The following CFAP74 variants were observed in gnomAD, a reference collection of about 807,000 sequenced individuals.
The protein encoded by CFAP74 is cilia and flagella associated protein 74.
Under a neutral mutation model 188.9 loss-of-function variants are expected in CFAP74, and 124 were observed. The observed-to-expected ratio is 0.66, with a 90% CI of 0.57 to 0.76. The LOEUF (loss-of-function observed/expected upper bound fraction) is 0.76, where lower values mean the gene tolerates loss of function less well. CFAP74 is among the 30% of genes least tolerant of loss of function. CFAP74 has a pLI of 0.00. For missense variants in CFAP74, 2,198 were observed against 2,165.2 expected (o/e 1.02, Z -0.30); for synonymous variants, 956 against 916.7 (o/e 1.04, Z -0.77).
At position 1,926,964 on chromosome 1, in the gene CFAP74, A is replaced by G. The variant is rs891619305; in HGVS notation, c.3592T>C (p.Phe1198Leu). The change falls in exon 29 of 39, where the codon TTT becomes CTT. Residue 1198 changes from phenylalanine (F) to leucine (L), a missense_variant. Phe to Leu is a conservative substitution (Grantham distance 22). Coordinates refer to ENST00000682832, the MANE Select transcript of CFAP74 (RefSeq NM_001304360.2). ...CTGGCAACAACACAGGGAACTACAA[A>G]TGTGTCAAACTTCGCCTGGAACGCT... ...LRAFQAKFDTFVVPCVVASGD... is the reference protein window; with the variant it reads ...LRAFQAKFDTLVVPCVVASGD... 7 of 1,549,976 alleles carry G rather than the reference A, an allele frequency of 4.5e-6. No homozygotes were observed. The highest frequency in any genetic ancestry group is 6.1e-6 in the Non-Finnish European group (7 of 1,146,818).
At chr1:1,927,181 T>C in intron 28 of CFAP74, 153 bp from the exon 29 acceptor site, 1 of 825,726 alleles carries the variant, frequency 1.2e-6, no homozygotes, top group Non-Finnish European at 1.9e-6. Context: ...TTTTCCACCC[T>C]TCTCTGGCTC....
intron 14 of CFAP74, 67 bp from the exon 15 acceptor site, chr1:1,960,097 C>A: frequency 7.2e-7 from 1 of 1,396,012 alleles, no homozygotes; most frequent in Non-Finnish European, 1.0e-6. Context: ...CCTCACCACC[C>A]AGAGCACAGT....
chr1:1,936,317 G>A (rs1054086597), intron 25 of CFAP74, among the ~76,000 whole-genome samples: 4 of 151,918 alleles, frequency 2.6e-5, no homozygotes, highest in South Asian at 2.1e-4. Context: ...AGGCTGAGGC[G>A]GGTGGACCAC....
chr1:1,972,352 A>G (rs1055327815), intron 8 of CFAP74, among the ~76,000 whole-genome samples: 1 of 152,240 alleles, frequency 6.6e-6, no homozygotes, highest in African/African-American at 2.4e-5. Flanking sequence ...TGAGAACACA[A>G]GAGGTGGGAT....
At chr1:1,974,561 G>A (rs986105668) in intron 6 of CFAP74, among the ~76,000 whole-genome samples, 47 of 152,076 alleles carry the variant, frequency 3.1e-4, no homozygotes, top group Non-Finnish European at 1.2e-4. Context: ...GGCTGGGCTG[G>A]AGGATCCCTG....
chr1:1,923,643 C>T lies in CFAP74; in HGVS notation c.4389+132G>A. 1.3e-6 allele frequency: 2 copies of T among 1,523,736 alleles called. No homozygotes were observed. The highest frequency in any genetic ancestry group is 1.8e-6 in the Non-Finnish European group (2 of 1,118,912). The allele number at this position is 1,523,736 out of a possible 1,614,324, so 94.4% of individuals were successfully genotyped here. A position where few individuals can be genotyped will look rare whatever the true frequency, so the allele number is the denominator to read the frequency against. On this transcript the variant is annotated intron_variant, in intron 35 of 38. Transcript: ENST00000682832. This position sits in a 1 kb window ranked among gnomAD's most constrained non-coding sequence, Gnocchi z 6.3. Reference sequence around the variant, plus strand: ...TGGACTCTGGTCTTTCCACTGACGGCCCTCAGTGTGGTGCTGAGTCCCCCA... The same window carrying T: ...TGGACTCTGGTCTTTCCACTGACGGTCCTCAGTGTGGTGCTGAGTCCCCCA...
At chr1:1,938,202 T>C (rs1486919556) in intron 25 of CFAP74, among the ~76,000 whole-genome samples, 1 of 139,236 alleles carries the variant, frequency 7.2e-6, no homozygotes, top group Non-Finnish European at 1.5e-5. Context: ...TTCAGTCACA[T>C]GCTCACACAT....
intron 14 of CFAP74, among the ~76,000 whole-genome samples, chr1:1,962,476 CAAAAAA>C (rs556157241): frequency 2.9e-5 from 2 of 69,376 alleles, no homozygotes; most frequent in South Asian, 5.8e-4. Context: ...AACTCCATCT[CAAAAAA>C]AAAAAAAAAA....
intron 1 of CFAP74, among the ~76,000 whole-genome samples, chr1:1,991,896 C>T (rs553205047): frequency 2.4e-4 from 37 of 151,448 alleles, no homozygotes; most frequent in South Asian, 8.4e-4. Flanking sequence ...AAAAATTAGC[C>T]GGGCATGGTG....
chr1:1,988,993 T>C lies in CFAP74; in HGVS notation c.68-20A>G. 1 of 1,221,214 alleles carries C rather than the reference T, an allele frequency of 8.2e-7. No homozygotes were observed. The highest frequency in any genetic ancestry group is 1.2e-6 in the Non-Finnish European group (1 of 859,032). The allele number at this position is 1,221,214 out of a possible 1,614,324, so 75.6% of individuals were successfully genotyped here. A position where few individuals can be genotyped will look rare whatever the true frequency, so the allele number is the denominator to read the frequency against. On this transcript the variant is annotated intron_variant, in intron 2 of 38. Coordinates refer to ENST00000682832, the MANE Select transcript of CFAP74 (RefSeq NM_001304360.2). Reference sequence around the variant, plus strand: ...CTCTTTCTAGAAATCAAGGCAAGAGTTTAAAAAAAAAAAAAAGCAGATCAA... The same window carrying C: ...CTCTTTCTAGAAATCAAGGCAAGAGCTTAAAAAAAAAAAAAAGCAGATCAA...
intron 18 of CFAP74, chr1:1,954,801 G>A (rs1654431998): frequency 1.8e-5 from 20 of 1,121,842 alleles, no homozygotes; most frequent in Non-Finnish European, 2.1e-5. Flanking sequence ...ACTCACTTTG[G>A]TATTAGCTGA....
chr1:1,967,210 GT>G (rs1160759418), intron 11 of CFAP74, among the ~76,000 whole-genome samples: 1 of 152,196 alleles, frequency 6.6e-6, no homozygotes, highest in Non-Finnish European at 1.5e-5. Flanking sequence ...GGCTGTGGTG[GT>G]TTCCTCAGAA....
At chr1:1,926,432 G>A (rs1209638171) in intron 31 of CFAP74, 25 bp downstream of exon 31, 5 of 1,550,222 alleles carry the variant, frequency 3.2e-6, no homozygotes, top group African/African-American at 1.4e-5. Context: ...CCCGCAGGCC[G>A]CCTGAGCTGG....
intron 14 of CFAP74, among the ~76,000 whole-genome samples, chr1:1,963,415 C>T (rs1281837009): frequency 3.8e-5 from 5 of 130,812 alleles, no homozygotes; most frequent in African/African-American, 1.2e-4. Flanking sequence ...CGCGCCATCG[C>T]ACTTGCACTC....
In CFAP74 at chr1:1,955,369, C is replaced by A. The variant is rs756647715; in HGVS notation, c.2176+322G>T. On this transcript the variant is annotated intron_variant, in intron 18 of 38. Transcript: ENST00000682832. Reference sequence around the variant, plus strand: ...GCTGCAGAGCTAGACAGAAGCCCCCCGCAGCCCGGCCCCTCCAGGGGGCAC... The same window carrying A: ...GCTGCAGAGCTAGACAGAAGCCCCCAGCAGCCCGGCCCCTCCAGGGGGCAC... The A allele has an allele frequency of 5.2e-6, 7 of 1,350,474 alleles. No individual in the cohort carries two copies. The Admixed American group carries it at 8.8e-5, about 17-fold the overall frequency. The allele number at this position is 1,350,474 out of a possible 1,614,324, so 83.7% of individuals were successfully genotyped here.
rs572616881 is a variant in CFAP74, at chr1:1,970,916, C to T, written c.889-100G>A. The T allele has an allele frequency of 8.7e-5, 112 of 1,287,584 alleles. 1 individual carries two copies. The highest frequency in any genetic ancestry group is 5.9e-4 in the Middle Eastern group (3 of 5,122). The allele number at this position is 1,287,584 out of a possible 1,614,324, so 79.8% of individuals were successfully genotyped here. On this transcript the variant is annotated intron_variant, in intron 9 of 38. Coordinates refer to ENST00000682832, the MANE Select transcript of CFAP74 (RefSeq NM_001304360.2). ...GCACACACAGGTTCATACATGCACA[C>T]GTGCACACACGTGCACACACACATG...
chr1:1,922,091 G>T lies in CFAP74; in HGVS notation c.*196C>A. 2 of 562,546 alleles carry T rather than the reference G, an allele frequency of 3.6e-6. No homozygotes were observed. The highest frequency in any genetic ancestry group is 4.3e-5 in the South Asian group (2 of 46,492). The allele number at this position is 562,546 out of a possible 1,614,324, so 34.8% of individuals were successfully genotyped here. A position where few individuals can be genotyped will look rare whatever the true frequency, so the allele number is the denominator to read the frequency against. On this transcript the variant is annotated 3_prime_UTR_variant, in exon 39 of 39. Coordinates refer to ENST00000682832, the MANE Select transcript of CFAP74 (RefSeq NM_001304360.2). ...GCTTCTGAGTCTGGGGTCTCAGGAGGGGTGCTCTTGGATGTCCCTGGGCTT... is the reference window on the plus strand; with the variant it reads ...GCTTCTGAGTCTGGGGTCTCAGGAGTGGTGCTCTTGGATGTCCCTGGGCTT...
At chr1:2,001,353 G>A (rs908212663) in intron 1 of CFAP74, among the ~76,000 whole-genome samples, 37 of 149,362 alleles carry the variant, frequency 2.5e-4, no homozygotes, top group South Asian at 8.5e-4. Context: ...TTTTTGAGAC[G>A]GAGTCTCGCT....
intron 1 of CFAP74, among the ~76,000 whole-genome samples, chr1:1,995,482 A>C (rs1291206551): frequency 7.3e-6 from 1 of 137,456 alleles, no homozygotes; most frequent in Non-Finnish European, 1.5e-5. Flanking sequence ...ACAGAATGAG[A>C]CTCAGTCTCA....
Sources: gnomAD v4.1 joint callset for allele counts (sites outside exome capture counted in the v4.1 genomes callset) on GRCh38, gnomAD v4.1.1 for gene constraint, Gnocchi (gnomAD v3.1) non-coding constraint, MANE v1.5 for transcripts, NCBI Gene and HGNC (gene_info 2026-07-23, HGNC 2026-07-21) for gene names.